Variants in PRUNE2 observed in about 807,000 individuals in gnomAD.
The protein encoded by PRUNE2 is prune homolog 2 with BCH domain.
A neutral mutation model predicts 252.0 loss-of-function variants in PRUNE2; 164 were observed. The ratio of observed to expected loss-of-function variants is 0.65; its 90% confidence interval spans 0.57 to 0.74. PRUNE2 has a LOEUF of 0.74. PRUNE2 is among the 30% of genes least tolerant of loss of function. PRUNE2 has a pLI of 0.00. For missense variants in PRUNE2, 3,495 were observed against 3,711.0 expected, an observed-to-expected ratio of 0.94 and a Z score of 1.51; for synonymous variants, 1,292 against 1,350.2, an observed-to-expected ratio of 0.96 and a Z score of 0.94.
At position 76,897,392 on chromosome 9, in the gene PRUNE2, T is replaced by C. The variant is rs200296204; in HGVS notation, c.36+8536A>G. Among the ~76,000 whole-genome samples the C allele has an allele frequency of 2.1e-4, 6 of 28,782 alleles. No homozygotes were observed. The South Asian group carries it at 5.5e-3, about 26-fold the overall frequency. The allele number at this position is 28,782 out of a possible 152,430, so 18.9% of individuals were successfully genotyped here. A position where few individuals can be genotyped will look rare whatever the true frequency, so the allele number is the denominator to read the frequency against. ...GCTATGCAACCTTAGGCAAACCTCT[T>C]TTTTTTTTTTTTTTTTTTTTTTTTT... is the stretch of plus-strand genomic sequence containing the variant. On this transcript the variant is annotated intron_variant, in intron 1 of 18. Coordinates refer to ENST00000376718, the MANE Select transcript of PRUNE2 (RefSeq NM_015225.3).
chr9:76,667,078 C>CT (rs1349504103), intron 9 of PRUNE2, among the ~76,000 whole-genome samples: 1 of 152,132 alleles, frequency 6.6e-6, no homozygotes, highest in African/African-American at 2.4e-5. Flanking sequence ...CCAACAAATT[C>CT]CTTTTGATAA....
intron 1 of PRUNE2, among the ~76,000 whole-genome samples, chr9:76,902,435 C>A (rs192485665): frequency 3.9e-5 from 6 of 152,270 alleles, no homozygotes; most frequent in Admixed American, 3.9e-4. Context: ...AAAGAAAATA[C>A]GTTTGCACTC....
chr9:76,766,677 C>T (rs576824157), intron 6 of PRUNE2, among the ~76,000 whole-genome samples: 6 of 152,196 alleles, frequency 3.9e-5, no homozygotes, highest in South Asian at 2.1e-4. Context: ...CAGTCACACT[C>T]GTCTTCTTCA....
intron 1 of PRUNE2, among the ~76,000 whole-genome samples, chr9:76,872,220 C>T (rs139790910): frequency 5.3e-5 from 8 of 152,180 alleles, no homozygotes; most frequent in Admixed American, 1.3e-4. Context: ...CCCTCCCCAC[C>T]GCATCCCCTC....
At chr9:76,838,929 T>C (rs1030867270) in intron 4 of PRUNE2, among the ~76,000 whole-genome samples, 2 of 152,186 alleles carry the variant, frequency 1.3e-5, no homozygotes, top group Non-Finnish European at 2.9e-5. Flanking sequence ...TTCTTTTTGG[T>C]GCAAAGTATT....
rs1406193956 is a variant in PRUNE2, at chr9:76,611,639, A to G, written c.*2931T>C. On this transcript the variant is annotated 3_prime_UTR_variant, in exon 19 of 19. Transcript: ENST00000376718. ...AGACGAGAGTTGCAAACATAGTACC[A>G]TAACTGAATATTTAAAATTACATCT... The G allele has an allele frequency of 6.5e-6, 1 of 152,672 alleles. No homozygotes were observed. Among genetic ancestry groups the G allele is most frequent in the Non-Finnish European group, 1.5e-5 (1 of 68,052 alleles). 9.5% of individuals were successfully genotyped at this position (152,672 alleles called of 1,614,324 possible). A position where few individuals can be genotyped will look rare whatever the true frequency, so the allele number is the denominator to read the frequency against.
intron 6 of PRUNE2, among the ~76,000 whole-genome samples, chr9:76,715,226 A>ACC (rs1372419300): frequency 2.6e-5 from 4 of 152,176 alleles, no homozygotes; most frequent in African/African-American, 9.7e-5. Context: ...TCATTCTTTG[A>ACC]AACTCGTGGA....
chr9:76,754,824 G>A (rs2050959471), intron 6 of PRUNE2, among the ~76,000 whole-genome samples: 1 of 151,508 alleles, frequency 6.6e-6, no homozygotes, highest in Non-Finnish European at 1.5e-5. Flanking sequence ...AAATTAGCTG[G>A]GCATGTTGGC....
Position 76,705,756 on chromosome 9 carries a change from T to G in PRUNE2, c.6518A>C (p.Tyr2173Ser). Residue 2173 changes from tyrosine (Y) to serine (S), a missense_variant, in exon 8 of 19, where the codon TAT becomes TCT. By Grantham distance (144) the Tyr-to-Ser change is moderately radical. Transcript: ENST00000376718. ...ENATVLPPIG[Y>S]QADIKGSSQP... ...AGAGGAGCCCTTTATGTCTGCTTGA[T>G]AGCCAATTGGAGGCAGCACAGTTGC... 1 of 1,614,032 alleles carries G rather than the reference T, an allele frequency of 6.2e-7. No homozygotes were observed. Among genetic ancestry groups the G allele is most frequent in the Non-Finnish European group, 8.5e-7 (1 of 1,179,884 alleles).
chr9:76,643,159 G>A (rs1843264963), intron 12 of PRUNE2, among the ~76,000 whole-genome samples: 1 of 152,040 alleles, frequency 6.6e-6, no homozygotes, highest in Non-Finnish European at 1.5e-5. Context: ...TCAGACAACA[G>A]CCCACCTAAA....
At chr9:76,716,561 G>A (rs78587542) in intron 6 of PRUNE2, among the ~76,000 whole-genome samples, 2,772 of 152,190 alleles carry the variant, frequency 0.018, 45 homozygotes, top group East Asian at 0.086. Context: ...TAGGGTGTGC[G>A]TTTCTGGGCC....
At chr9:76,822,401 C>T (rs146542325) in intron 6 of PRUNE2, among the ~76,000 whole-genome samples, 102 of 152,212 alleles carry the variant, frequency 6.7e-4, no homozygotes, top group African/African-American at 2.4e-3. Flanking sequence ...AAAAAGATCA[C>T]GAAAAGAAAG....
intron 6 of PRUNE2, chr9:76,778,903 GA>G (rs1320804426): frequency 6.6e-6 from 1 of 152,132 alleles, no homozygotes; most frequent in Non-Finnish European, 1.5e-5. Flanking sequence ...TCAACAAATT[GA>G]ACTGTTAACA....
intron 6 of PRUNE2, among the ~76,000 whole-genome samples, chr9:76,781,808 C>G (rs938168666): frequency 7.9e-5 from 12 of 152,198 alleles, no homozygotes; most frequent in Admixed American, 7.8e-4. Flanking sequence ...CTTGGTATTT[C>G]ACCTTTCATC....
At chr9:76,858,159 T>G (rs1249839101) in intron 1 of PRUNE2, among the ~76,000 whole-genome samples, 4 of 152,206 alleles carry the variant, frequency 2.6e-5, no homozygotes, top group Admixed American at 2.6e-4. Context: ...ACAATAAAAA[T>G]CTGCTTGTGC....
chr9:76,794,504 A>G (rs936816068), intron 6 of PRUNE2, among the ~76,000 whole-genome samples: 3 of 151,076 alleles, frequency 2.0e-5, no homozygotes, highest in African/African-American at 7.3e-5. Flanking sequence ...AGTCCCAGCT[A>G]CTCGGGAGGC....
In PRUNE2 at chr9:76,710,489, G is replaced by C. The variant is rs1415422226; in HGVS notation, c.1785C>G (p.Ser595=). 1 of 1,613,898 alleles carries C rather than the reference G, an allele frequency of 6.2e-7. No homozygotes were observed. The highest frequency in any genetic ancestry group is 8.5e-7 in the Non-Finnish European group (1 of 1,179,876). ...TATTTTTTAGCCTTTCTGGGGAAGG[G>C]GATTCATCTCCCACAAAATCTGTCA... ...LSLTDFVGDE[S]PSPERLKNTG... is the part of the protein sequence containing the mutation. The change falls in exon 8 of 19, where the codon TCC becomes TCG. Residue 595 remains serine, a synonymous_variant. Transcript: ENST00000376718.
chr9:76,745,095 T>C (rs1276419262), intron 6 of PRUNE2, among the ~76,000 whole-genome samples: 1 of 152,060 alleles, frequency 6.6e-6, no homozygotes, highest in Non-Finnish European at 1.5e-5. Flanking sequence ...TGAAACCACC[T>C]TTGCAAAATT....
chr9:76,743,822 T>G (rs2135597284), intron 6 of PRUNE2, among the ~76,000 whole-genome samples: 1 of 152,374 alleles, frequency 6.6e-6, no homozygotes, highest in African/African-American at 2.4e-5. Flanking sequence ...TAACTTTAGT[T>G]ACCTTGGGGG....
Sources: gnomAD v4.1 joint callset for allele counts (sites outside exome capture counted in the v4.1 genomes callset) on GRCh38, gnomAD v4.1.1 for gene constraint, MANE v1.5 for transcripts, NCBI Gene and HGNC (gene_info 2026-07-23, HGNC 2026-07-21) for gene names.